The following NRP2 variants were observed in gnomAD, a reference collection of about 807,000 sequenced individuals.
NRP2 encodes the protein neuropilin-2.
A neutral mutation model predicts 110.4 loss-of-function variants in NRP2; 52 were observed. That is an observed-to-expected ratio of 0.47 (90% confidence interval 0.38 to 0.59). The LOEUF (loss-of-function observed/expected upper bound fraction) is 0.59, where lower values mean the gene tolerates loss of function less well. Among genes scored for constraint, NRP2 ranks in the 20% least tolerant of loss-of-function variants. NRP2 has a pLI of 0.00. For missense variants in NRP2, 1,049 were observed against 1,203.0 expected, an observed-to-expected ratio of 0.87 and a Z score of 1.89; for synonymous variants, 508 against 468.9, an observed-to-expected ratio of 1.08 and a Z score of -1.08.
chr2:205,795,001 C>A lies in NRP2; in HGVS notation c.2724C>A (p.Tyr908Ter), dbSNP rs7583537. The A allele has an allele frequency of 1.2e-6, 2 of 1,614,056 alleles. No individual in the cohort carries two copies. The highest frequency in any genetic ancestry group is 2.7e-5 in the African/African-American group (2 of 74,912). ...TGGAGAACTACAACTTCGAGCTCTA[C>A]GATGGCCTTAAGCACAAGGTCAAGA... ...TTLENYNFEL[Y>*]DGLKHKVKMN... Residue 908 changes from tyrosine (Y) to a stop codon, truncating the protein, a stop_gained, in exon 17 of 17, where the codon TAC becomes TAA. Coordinates refer to ENST00000357785, the MANE Select transcript of NRP2 (RefSeq NM_003872.3). LOFTEE classifies it high-confidence loss of function.
chr2:205,761,282 C>CAT (rs1243381392), intron 12 of NRP2: 3 of 152,094 alleles, frequency 2.0e-5, no homozygotes, highest in African/African-American at 4.8e-5. Context: ...TGAGGAGTGG[C>CAT]ATATATATAG....
At position 205,735,047 on chromosome 2, in the gene NRP2, C is replaced by T. The variant is rs190203425; in HGVS notation, c.1147-5472C>T. On this transcript the variant is annotated intron_variant, in intron 7 of 16. Transcript: ENST00000357785. ...GACTGTTTTTGTACCCCAAAGGGCCCGCCTCATTTGGGAAGGGTGAAACAG... is the reference window on the plus strand; with the variant it reads ...GACTGTTTTTGTACCCCAAAGGGCCTGCCTCATTTGGGAAGGGTGAAACAG... Among the ~76,000 whole-genome samples the T allele has an allele frequency of 9.8e-3, 1,493 of 152,178 alleles. 16 individuals carry two copies. The highest frequency in any genetic ancestry group is 0.034 in the African/African-American group (1,413 of 41,512).
intron 15 of NRP2, among the ~76,000 whole-genome samples, chr2:205,772,501 T>C (rs1396789404): frequency 1.3e-5 from 2 of 152,250 alleles, no homozygotes. Flanking sequence ...TTATTGACTA[T>C]TTAAGTATCT....
intron 10 of NRP2, among the ~76,000 whole-genome samples, chr2:205,747,236 G>T (rs181006865): frequency 6.6e-6 from 1 of 152,240 alleles, no homozygotes; most frequent in Admixed American, 6.5e-5. Context: ...GTGTATACGG[G>T]GTACAGTGTA....
intron 2 of NRP2, among the ~76,000 whole-genome samples, chr2:205,705,720 G>A (rs2056661453): frequency 6.6e-6 from 1 of 152,018 alleles, no homozygotes; most frequent in Non-Finnish European, 1.5e-5. Context: ...AGATACTGAG[G>A]CCCTGAGAGA....
intron 8 of NRP2, among the ~76,000 whole-genome samples, chr2:205,742,459 A>G (rs1335444752): frequency 2.0e-5 from 3 of 152,180 alleles, no homozygotes; most frequent in Non-Finnish European, 4.4e-5. Flanking sequence ...TCTGAGGGAA[A>G]CCAATTTAGT....
intron 2 of NRP2, among the ~76,000 whole-genome samples, chr2:205,703,203 T>C (rs1467229596): frequency 6.6e-6 from 1 of 152,194 alleles, no homozygotes; most frequent in Non-Finnish European, 1.5e-5. Flanking sequence ...TATTTGTCCC[T>C]CTGGGAATAT....
intron 2 of NRP2, among the ~76,000 whole-genome samples, chr2:205,699,345 G>A (rs1317299784): frequency 6.6e-6 from 1 of 152,176 alleles, no homozygotes; most frequent in Admixed American, 6.5e-5. Flanking sequence ...GGCACAAATG[G>A]AAGCATAATG....
At chr2:205,696,943 C>G (rs2056441077) in intron 1 of NRP2, among the ~76,000 whole-genome samples, 1 of 151,760 alleles carries the variant, frequency 6.6e-6, no homozygotes, top group South Asian at 2.1e-4. Context: ...CATTTTTTTT[C>G]TTAAAAAAAA....
chr2:205,782,851 T>C (rs866997917), intron 15 of NRP2, among the ~76,000 whole-genome samples: 7 of 150,908 alleles, frequency 4.6e-5, no homozygotes, highest in African/African-American at 1.7e-4. Flanking sequence ...TCAGACTGTG[T>C]CTAGTTTTTT....
At chr2:205,694,603 C>T (rs2056383797) in intron 1 of NRP2, among the ~76,000 whole-genome samples, 1 of 152,136 alleles carries the variant, frequency 6.6e-6, no homozygotes, top group Non-Finnish European at 1.5e-5. Flanking sequence ...AGGGTTTTGC[C>T]CTTGAGTTCA....
At chr2:205,750,827 C>T (rs561858584) in intron 11 of NRP2, among the ~76,000 whole-genome samples, 5 of 152,184 alleles carry the variant, frequency 3.3e-5, no homozygotes, top group Admixed American at 2.6e-4. Flanking sequence ...CAAGCACAGC[C>T]GTTTGACAGT....
At chr2:205,714,810 C>T (rs1167353562) in intron 2 of NRP2, among the ~76,000 whole-genome samples, 1 of 152,190 alleles carries the variant, frequency 6.6e-6, no homozygotes, top group Non-Finnish European at 1.5e-5. Flanking sequence ...ACTTCCTTTA[C>T]AGGCCTATTA....
In NRP2 at chr2:205,794,916, G is replaced by T. The variant is rs1204792345; in HGVS notation, c.2639G>T (p.Gly880Val). ...LGVLLGATCA[G>V]LLLYCTCSYS... ...GTCCTCCTGGGGGCCACCTGTGCAG[G>T]CCTCCTGCTCTACTGCACCTGTTCC... is the stretch of plus-strand genomic sequence containing the variant. Residue 880 changes from glycine to valine, a missense_variant, in exon 17 of 17, where the codon GGC (glycine) becomes GTC (valine). Gly to Val is a moderately radical substitution (Grantham distance 109). Transcript: ENST00000357785. 1 of 1,614,008 alleles carries T rather than the reference G, an allele frequency of 6.2e-7. No individual in the cohort carries two copies. Among genetic ancestry groups the T allele is most frequent in the African/African-American group, 1.3e-5 (1 of 74,916 alleles).
At chr2:205,685,525 C>T (rs570067383) in intron 1 of NRP2, among the ~76,000 whole-genome samples, 1 of 152,332 alleles carries the variant, frequency 6.6e-6, no homozygotes, top group South Asian at 2.1e-4. Flanking sequence ...GCAGAAGGTG[C>T]GCGCGGGGGA....
chr2:205,758,494 G>A (rs2057769374), intron 12 of NRP2, among the ~76,000 whole-genome samples: 1 of 152,188 alleles, frequency 6.6e-6, no homozygotes, highest in Non-Finnish European at 1.5e-5. Flanking sequence ...AAATCGCCAG[G>A]TGAAATATCA....
intron 12 of NRP2, among the ~76,000 whole-genome samples, chr2:205,755,673 T>C (rs1004301501): frequency 1.3e-5 from 2 of 149,846 alleles, no homozygotes; most frequent in Non-Finnish European, 3.0e-5. Context: ...GCTGGCTTGG[T>C]TGGGGGCAGA....
intron 15 of NRP2, among the ~76,000 whole-genome samples, chr2:205,783,989 G>T (rs1280823634): frequency 1.7e-5 from 1 of 59,652 alleles, no homozygotes; most frequent in Admixed American, 2.1e-4. Context: ...GAACTAGAGT[G>T]CATCTCTCTC....
intron 12 of NRP2, among the ~76,000 whole-genome samples, chr2:205,756,237 G>T (rs532482809): frequency 2.0e-5 from 3 of 152,160 alleles, no homozygotes; most frequent in Non-Finnish European, 4.4e-5. Context: ...CAAATTCAGT[G>T]ACCCCTGCTA....
Sources: gnomAD v4.1 joint callset for allele counts (sites outside exome capture counted in the v4.1 genomes callset) on GRCh38, gnomAD v4.1.1 for gene constraint, MANE v1.5 for transcripts, NCBI Gene and HGNC (gene_info 2026-07-23, HGNC 2026-07-21) for gene names.